The following TBC1D32 variants were observed in gnomAD, a reference collection of about 807,000 sequenced individuals.
TBC1D32 encodes protein broad-minded.
Under a neutral mutation model 170.3 loss-of-function variants are expected in TBC1D32, and 151 were observed. The ratio of observed to expected loss-of-function variants is 0.89; its 90% CI spans 0.78 to 1.01. The LOEUF (loss-of-function observed/expected upper bound fraction) is 1.01, where lower values mean the gene tolerates loss of function less well. Among genes scored for constraint, TBC1D32 ranks in the 50% least tolerant of loss-of-function variants. TBC1D32 has a pLI of 0.00. For missense variants in TBC1D32, 1,464 were observed against 1,457.1 expected (o/e 1.00, Z -0.08); for synonymous variants, 498 against 488.0 (o/e 1.02, Z -0.27).
intron 30 of TBC1D32, among the ~76,000 whole-genome samples, chr6:121,101,144 A>G (rs944631918): frequency 7.9e-5 from 12 of 152,152 alleles, no homozygotes; most frequent in Admixed American, 3.3e-4. Flanking sequence ...TCACAGCCGA[A>G]TTCTACCAGA....
At chr6:121,320,934 A>C (rs1809620680) in intron 2 of TBC1D32, among the ~76,000 whole-genome samples, 1 of 152,168 alleles carries the variant, frequency 6.6e-6, no homozygotes, top group Non-Finnish European at 1.5e-5. Flanking sequence ...CTGACGAGAA[A>C]AAAAAATTGA....
At position 121,156,894 on chromosome 6, in the gene TBC1D32, T is replaced by A. The variant is rs565946883; in HGVS notation, c.2773+3116A>T. ...CTGAGAGTGTGCTTGGCATCATTTT[T>A]AAAAATTCACTGAGATTTGTTTTAT... On this transcript the variant is annotated intron_variant, in intron 24 of 31. Coordinates refer to ENST00000398212, the MANE Select transcript of TBC1D32 (RefSeq NM_152730.6). Among the ~76,000 whole-genome samples the A allele has an allele frequency of 2.0e-5, 3 of 152,276 alleles. No homozygotes were observed. In the East Asian group the frequency reaches 5.8e-4, roughly 29 times the overall value.
chr6:121,324,969 G>C (rs753255819), intron 1 of TBC1D32, among the ~76,000 whole-genome samples: 1 of 152,130 alleles, frequency 6.6e-6, no homozygotes, highest in Non-Finnish European at 1.5e-5. Flanking sequence ...CAGTACTTTG[G>C]GAGGCCGAAG....
intron 22 of TBC1D32, among the ~76,000 whole-genome samples, chr6:121,196,411 T>C (rs1191129771): frequency 6.6e-6 from 1 of 152,172 alleles, no homozygotes; most frequent in Non-Finnish European, 1.5e-5. Flanking sequence ...AGCTACCTGG[T>C]GGCAAGCTGC....
In TBC1D32 at chr6:121,201,063, C is replaced by T. The variant is rs1213145081; in HGVS notation, c.2570+4012G>A. On this transcript the variant is annotated intron_variant, in intron 22 of 31. Transcript: ENST00000398212. ...ACATGTTTCTTTTCTGCCTTAATTA[C>T]TTCACATTCTTCGATTAACTAATTA... 5.3e-5 allele frequency among the ~76,000 whole-genome samples: 8 copies of T among 151,374 alleles called. 1 individual carries two copies. Among genetic ancestry groups the T allele is most frequent in the African/African-American group, 2.0e-4 (8 of 40,686 alleles).
At chr6:121,265,612 T>C (rs112847380) in intron 15 of TBC1D32, among the ~76,000 whole-genome samples, 9,443 of 151,022 alleles carry the variant, frequency 0.063, 380 homozygotes, top group South Asian at 0.15. Context: ...AGAGCCCATA[T>C]AGCCAAGTCA....
chr6:121,168,772 C>A (rs1786519132), intron 22 of TBC1D32, among the ~76,000 whole-genome samples: 1 of 144,918 alleles, frequency 6.9e-6, no homozygotes, highest in Non-Finnish European at 1.5e-5. Context: ...TATACACCAC[C>A]AACAGGCAAG....
At chr6:121,247,999 A>G (rs1402180764) in intron 17 of TBC1D32, among the ~76,000 whole-genome samples, 2 of 152,060 alleles carry the variant, frequency 1.3e-5, no homozygotes, top group Non-Finnish European at 2.9e-5. Context: ...CATTCTACCC[A>G]ACAACTGCAG....
chr6:121,157,052 C>A (rs1336399622), intron 24 of TBC1D32, among the ~76,000 whole-genome samples: 2 of 152,018 alleles, frequency 1.3e-5, no homozygotes, highest in African/African-American at 2.4e-5. Flanking sequence ...TTTAATTCCA[C>A]AATATCTTTG....
chr6:121,291,211 C>T (rs528985714), intron 12 of TBC1D32, among the ~76,000 whole-genome samples: 14 of 151,940 alleles, frequency 9.2e-5, no homozygotes, highest in African/African-American at 3.1e-4. Flanking sequence ...ACAGTTTAGG[C>T]GGTGATCAGT....
intron 20 of TBC1D32, among the ~76,000 whole-genome samples, chr6:121,235,536 G>C (rs1360637903): frequency 6.6e-6 from 1 of 152,160 alleles, no homozygotes; most frequent in Non-Finnish European, 1.5e-5. Context: ...GAGGAAAGCT[G>C]GCAGTCACCA....
chr6:121,094,023 A>G (rs1664000676), intron 30 of TBC1D32, among the ~76,000 whole-genome samples: 1 of 151,926 alleles, frequency 6.6e-6, no homozygotes, highest in Non-Finnish European at 1.5e-5. Context: ...TAAACATATG[A>G]CCCTCTTTGC....
At chr6:121,162,174 T>C (rs1785781931) in intron 22 of TBC1D32, among the ~76,000 whole-genome samples, 2 of 152,182 alleles carry the variant, frequency 1.3e-5, no homozygotes, top group African/African-American at 2.4e-5. Flanking sequence ...GTTTATTTTG[T>C]TGTACAGAAG....
chr6:121,208,707 G>C lies in TBC1D32; in HGVS notation c.2482-3544C>G, dbSNP rs540645544. Among the ~76,000 whole-genome samples, 4 of 86,330 alleles carry C rather than the reference G, an allele frequency of 4.6e-5. No homozygotes were observed. In the South Asian group the frequency reaches 1.7e-3, roughly 38 times the overall value. The allele number at this position is 86,330 out of a possible 152,430, so 56.6% of individuals were successfully genotyped here. A position where few individuals can be genotyped will look rare whatever the true frequency, so the allele number is the denominator to read the frequency against. On this transcript the variant is annotated intron_variant, in intron 21 of 31. Coordinates refer to ENST00000398212, the MANE Select transcript of TBC1D32 (RefSeq NM_152730.6). The stretch of plus-strand genomic sequence containing the variant: ...TAGAGGCACAAACTGGATTTATGTA[G>C]CAACAAGACACGAAACACCTGGAAA...
intron 30 of TBC1D32, among the ~76,000 whole-genome samples, chr6:121,097,989 G>A (rs1046950000): frequency 6.6e-6 from 1 of 151,508 alleles, no homozygotes; most frequent in African/African-American, 2.4e-5. Flanking sequence ...AGTGGGAGGT[G>A]AACAATGAGA....
chr6:121,203,010 T>C (rs1048174296), intron 22 of TBC1D32, among the ~76,000 whole-genome samples: 1 of 151,208 alleles, frequency 6.6e-6, no homozygotes, highest in Non-Finnish European at 1.5e-5. Flanking sequence ...ATGAAAAACA[T>C]AGATTCAGAC....
intron 22 of TBC1D32, among the ~76,000 whole-genome samples, chr6:121,162,773 G>A (rs1197131003): frequency 5.0e-5 from 7 of 139,342 alleles, no homozygotes; most frequent in East Asian, 2.2e-4. Context: ...CGTGAGCGAC[G>A]CAGAAAACAG....
At chr6:121,192,083 TC>T (rs1790151159) in intron 22 of TBC1D32, among the ~76,000 whole-genome samples, 11 of 117,850 alleles carry the variant, frequency 9.3e-5, no homozygotes, top group East Asian at 2.4e-4. Context: ...TATATATATA[TC>T]CTATTAGTTC....
intron 31 of TBC1D32, among the ~76,000 whole-genome samples, chr6:121,085,487 G>C (rs980828071): frequency 6.6e-6 from 1 of 151,138 alleles, no homozygotes; most frequent in Middle Eastern, 3.4e-3. Context: ...GAAACTCCTG[G>C]ATGCAGTCCC....
Sources: gnomAD v4.1 joint callset for allele counts (sites outside exome capture counted in the v4.1 genomes callset) on GRCh38, gnomAD v4.1.1 for gene constraint, MANE v1.5 for transcripts, NCBI Gene and HGNC (gene_info 2026-07-23, HGNC 2026-07-21) for gene names.